The following CCNB3 variants were observed in gnomAD, a reference collection of about 807,000 sequenced individuals.
The protein encoded by CCNB3 is G2/mitotic-specific cyclin-B3.
In CCNB3, 12 loss-of-function variants were observed where a neutral mutation model predicts 68.0. That is an observed-to-expected ratio of 0.18 (90% CI 0.11 to 0.29). The LOEUF is 0.29. Among genes scored for constraint, CCNB3 ranks in the 10% least tolerant of loss-of-function variants. The pLI is 1.00. For missense variants in CCNB3, 904 were observed against 993.1 expected, an observed-to-expected ratio of 0.91 and a Z score of 1.21; for synonymous variants, 354 against 388.9, an observed-to-expected ratio of 0.91 and a Z score of 1.06.
In CCNB3 at chrX:50,214,475, CATATATATATATAT is replaced by C. The variant is rs1184201216; in HGVS notation, c.-113+9546_-113+9559del. ...TTACCTTTCAGTTTTAGCTGTGGCC[CATATATATATATAT>C]ATATATATATATATATATATTTTAG... is the stretch of plus-strand genomic sequence containing the variant. On this transcript the variant is annotated intron_variant, in intron 1 of 12. Transcript: ENST00000376042. Among the ~76,000 whole-genome samples, 25 of 9,490 alleles carry C rather than the reference CATATATATATATAT, an allele frequency of 2.6e-3. 1 individual carries two copies. Among genetic ancestry groups the C allele is most frequent in the East Asian group, 0.02 (2 of 100 alleles). The allele number at this position is 9,490 out of a possible 115,157, so 8.2% of individuals were successfully genotyped here. A position where few individuals can be genotyped will look rare whatever the true frequency, so the allele number is the denominator to read the frequency against.
chrX:50,210,896 T>C (rs1463914348), intron 1 of CCNB3, among the ~76,000 whole-genome samples: 3 of 110,527 alleles, frequency 2.7e-5, no homozygotes, highest in African/African-American at 1.0e-4. Flanking sequence ...AAACTTAGCC[T>C]TTAATCAGAT....
chrX:50,294,096 C>G (rs1402564159), intron 4 of CCNB3, among the ~76,000 whole-genome samples: 1 of 109,714 alleles, frequency 9.1e-6, no homozygotes, highest in African/African-American at 3.3e-5. Context: ...GCCACCACAC[C>G]GAGCTATTTT....
intron 1 of CCNB3, among the ~76,000 whole-genome samples, chrX:50,280,221 A>G (rs1271187069): frequency 2.4e-5 from 2 of 82,334 alleles, no homozygotes; most frequent in Admixed American, 1.5e-4. Context: ...TTTAGAATAT[A>G]TATAAATATA....
At chrX:50,227,038 GAATA>G (rs1399370607) in intron 1 of CCNB3, among the ~76,000 whole-genome samples, 1 of 72,257 alleles carries the variant, frequency 1.4e-5, no homozygotes, top group African/African-American at 5.7e-5. Context: ...CAAATATATA[GAATA>G]TATACAAATA....
Position 50,316,903 on chromosome X carries a change from C to T in CCNB3, c.3516+2955C>T, listed in dbSNP as rs782211139. Among the ~76,000 whole-genome samples, 6 of 112,323 alleles carry T rather than the reference C, an allele frequency of 5.3e-5. No individual in the cohort carries two copies. In the South Asian group the frequency reaches 2.2e-3, roughly 41 times the overall value. ...TTTGATGACTGTGAAAAGAACTGTA[C>T]ATTAATGTACAGGTTTTTATGTGAA... On this transcript the variant is annotated intron_variant, in intron 8 of 12. Coordinates refer to ENST00000376042, the MANE Select transcript of CCNB3 (RefSeq NM_033031.3).
intron 1 of CCNB3, among the ~76,000 whole-genome samples, chrX:50,225,710 G>C (rs957567672): frequency 2.7e-5 from 3 of 109,195 alleles, no homozygotes; most frequent in African/African-American, 9.9e-5. Flanking sequence ...CCAGCTTTCT[G>C]GCTTCAATAA....
chrX:50,322,048 T>G (rs1412849587), intron 8 of CCNB3, among the ~76,000 whole-genome samples: 1 of 105,073 alleles, frequency 9.5e-6, no homozygotes, highest in Non-Finnish European at 2.0e-5. Flanking sequence ...CTAGTTTTTT[T>G]TTTTTGGTTC....
chrX:50,279,411 T>C (rs1193838935), intron 1 of CCNB3, among the ~76,000 whole-genome samples: 1 of 70,851 alleles, frequency 1.4e-5, no homozygotes, highest in Non-Finnish European at 2.5e-5. Flanking sequence ...TATAGAAATA[T>C]ATAAATATAT....
intron 4 of CCNB3, 31 bp downstream of exon 4, chrX:50,288,918 G>A: frequency 1.0e-6 from 1 of 1,000,515 alleles, no homozygotes. Flanking sequence ...CTTTGCTATG[G>A]TTTTGCATAA....
intron 9 of CCNB3, among the ~76,000 whole-genome samples, chrX:50,345,286 C>T (rs1205961118): frequency 9.2e-6 from 1 of 109,237 alleles, no homozygotes; most frequent in African/African-American, 3.3e-5. Flanking sequence ...CTTGCTCACT[C>T]CTTCCCTTGT....
intron 4 of CCNB3, among the ~76,000 whole-genome samples, chrX:50,289,638 C>A (rs950366895): frequency 8.9e-6 from 1 of 111,851 alleles, no homozygotes; most frequent in African/African-American, 3.2e-5. Flanking sequence ...CCTGCATCAG[C>A]TCACTTAATC....
At chrX:50,344,114 A>G (rs1248891208) in intron 9 of CCNB3, among the ~76,000 whole-genome samples, 1 of 112,249 alleles carries the variant, frequency 8.9e-6, no homozygotes, top group African/African-American at 3.2e-5. Context: ...AACAAATACC[A>G]TTGTTTTACA....
intron 1 of CCNB3, among the ~76,000 whole-genome samples, chrX:50,208,136 T>C (rs782729739): frequency 4.5e-5 from 5 of 112,140 alleles, no homozygotes; most frequent in Admixed American, 1.9e-4. Context: ...AGGGTTTTTA[T>C]TGGGGGCTGG....
chrX:50,226,109 T>A, intron 1 of CCNB3, among the ~76,000 whole-genome samples: 1 of 78,522 alleles, frequency 1.3e-5, no homozygotes, highest in South Asian at 6.4e-4. Context: ...AGAATATGTA[T>A]AAATATATAT....
chrX:50,349,173 G>A, intron 11 of CCNB3, among the ~76,000 whole-genome samples: 1 of 112,346 alleles, frequency 8.9e-6, no homozygotes, highest in East Asian at 2.8e-4. Context: ...TGTGAGAGGA[G>A]ACATTCTAGG....
At chrX:50,221,734 A>C (rs1283707478) in intron 1 of CCNB3, among the ~76,000 whole-genome samples, 1 of 111,606 alleles carries the variant, frequency 9.0e-6, no homozygotes, top group African/African-American at 3.3e-5. Context: ...TGCTGAGAAG[A>C]ATGTATATTC....
At chrX:50,217,296 C>T (rs1269816302) in intron 1 of CCNB3, among the ~76,000 whole-genome samples, 1 of 65,394 alleles carries the variant, frequency 1.5e-5, no homozygotes, top group Admixed American at 2.5e-4. Context: ...TTTTTTGAGA[C>T]GGAGTCTTGC....
Position 50,304,982 on chromosome X carries a change from G to A in CCNB3, c.336-3523G>A, listed in dbSNP as rs782173937. 6.3e-3 allele frequency among the ~76,000 whole-genome samples: 708 copies of A among 111,501 alleles called. 5 individuals are homozygous for A. Among genetic ancestry groups the A allele is most frequent in the Middle Eastern group, 0.046 (10 of 216 alleles). On this transcript the variant is annotated intron_variant, in intron 5 of 12. Transcript: ENST00000376042. ...ACCATCTCACACCAGTTAGAATGGCGATCATTAAAAAGTCAGGAAACAACA... is the reference window on the plus strand; with the variant it reads ...ACCATCTCACACCAGTTAGAATGGCAATCATTAAAAAGTCAGGAAACAACA...
At chrX:50,279,314 A>C (rs1177460431) in intron 1 of CCNB3, among the ~76,000 whole-genome samples, 1 of 72,313 alleles carries the variant, frequency 1.4e-5, no homozygotes, top group Non-Finnish European at 2.3e-5. Flanking sequence ...ATTTATATTT[A>C]ATATATATTT....
Sources: gnomAD v4.1 joint callset for allele counts (sites outside exome capture counted in the v4.1 genomes callset) on GRCh38, gnomAD v4.1.1 for gene constraint, MANE v1.5 for transcripts, NCBI Gene and HGNC (gene_info 2026-07-23, HGNC 2026-07-21) for gene names.